SORBS2: variants seen among roughly 807,000 people sequenced by gnomAD.
SORBS2 encodes the protein sorbin and SH3 domain-containing protein 2.
SORBS2 carries 46 observed loss-of-function variants against 97.7 expected under a neutral mutation model. That is an observed-to-expected ratio of 0.47 (90% CI 0.37 to 0.60). The LOEUF is 0.60. SORBS2 is among the 20% of genes least tolerant of loss of function. The pLI, the probability that SORBS2 is intolerant of heterozygous loss-of-function variation, is 0.00. For synonymous variants in SORBS2, 476 were observed against 473.4 expected (o/e 1.01, Z -0.07); for missense variants, 1,316 against 1,282.3 (o/e 1.03, Z -0.40).
chr4:185,652,713 T>C, exon 2 of SORBS2: 2 of 1,614,136 alleles, frequency 1.2e-6, no homozygotes, highest in Non-Finnish European at 8.5e-7. Context: ...TACCAGTCCT[T>C]GGGCCGGTCG....
intron 4 of SORBS2, among the ~76,000 whole-genome samples, chr4:185,644,087 G>A (rs1318684795): frequency 1.3e-5 from 2 of 152,152 alleles, no homozygotes; most frequent in Non-Finnish European, 2.9e-5. Flanking sequence ...GTCCTACACT[G>A]GAAAGGCTGG....
At chr4:185,686,281 A>C (rs142159922) in intron 2 of SORBS2, among the ~76,000 whole-genome samples, 2,292 of 152,256 alleles carry the variant, frequency 0.015, 57 homozygotes, top group African/African-American at 0.051. Flanking sequence ...GTATAATTTG[A>C]AGGAATTTTT....
chr4:185,894,605 C>T (rs1021055584), intron 1 of SORBS2, among the ~76,000 whole-genome samples: 2 of 152,168 alleles, frequency 1.3e-5, no homozygotes, highest in African/African-American at 4.8e-5. Flanking sequence ...TGTCTTACCT[C>T]GCAAGGCACC....
chr4:185,881,056 G>A (rs2099236620), intron 1 of SORBS2, among the ~76,000 whole-genome samples: 1 of 152,292 alleles, frequency 6.6e-6, no homozygotes. Flanking sequence ...GGAAGTTGCT[G>A]AGCAAAAGCT....
At chr4:185,651,010 G>T (rs933644796) in intron 2 of SORBS2, among the ~76,000 whole-genome samples, 2 of 152,120 alleles carry the variant, frequency 1.3e-5, no homozygotes, top group Non-Finnish European at 2.9e-5. Flanking sequence ...GACCCCAAGT[G>T]AGGTTGCAGC....
chr4:185,606,796 C>T lies in SORBS2; in HGVS notation c.2796+4984G>A. On this transcript the variant is annotated intron_variant, in intron 12 of 14. Coordinates refer to ENST00000418609, the Ensembl canonical transcript of SORBS2. This position sits in a 1 kb window ranked among gnomAD's most constrained non-coding sequence, Gnocchi z 4.3. ...CCCTCTCTGGATGCCTGACACAATC[C>T]CCTCATAGATGCCCTCATCTTCCTC... The T allele has an allele frequency of 1.0e-6, 1 of 985,316 alleles. No individual in the cohort carries two copies. Among genetic ancestry groups the T allele is most frequent in the Non-Finnish European group, 1.2e-6 (1 of 829,910 alleles). The allele number at this position is 985,316 out of a possible 1,614,324, so 61.0% of individuals were successfully genotyped here.
rs955504682 is a variant in SORBS2 at position 185,741,752 on chromosome 4, TA to T, written c.-198+33474del. Among the ~76,000 whole-genome samples, 877 of 151,778 alleles carry T rather than the reference TA, an allele frequency of 5.8e-3. 2 individuals are homozygous for T. The highest frequency in any genetic ancestry group is 8.9e-3 in the Admixed American group (135 of 15,236). On this transcript the variant is annotated intron_variant, in intron 2 of 20. Coordinates refer to the SORBS2 transcript ENST00000284776. ...TACATAAAATAAATTAAAATACATT[TA>T]AAAAAAAATTACCTGCTTTACTTCT... is the stretch of plus-strand genomic sequence containing the variant.
intron 1 of SORBS2, among the ~76,000 whole-genome samples, chr4:185,808,606 T>C (rs1227866605): frequency 1.3e-5 from 2 of 152,214 alleles, no homozygotes. Flanking sequence ...CTTACCCAGG[T>C]ACTCAAGTTG....
At chr4:185,945,666 G>A (rs146749494) in intron 1 of SORBS2, among the ~76,000 whole-genome samples, 44 of 152,228 alleles carry the variant, frequency 2.9e-4, no homozygotes, top group East Asian at 2.3e-3. Flanking sequence ...AACATTTCTC[G>A]AGAATCAGGC....
chr4:185,763,688 C>T (rs1421944530), intron 2 of SORBS2, among the ~76,000 whole-genome samples: 1 of 152,184 alleles, frequency 6.6e-6, no homozygotes, highest in African/African-American at 2.4e-5. Context: ...GCCTTCCTTA[C>T]ACCTAGAAAC....
At chr4:185,764,093 A>G (rs13142255) in intron 2 of SORBS2, among the ~76,000 whole-genome samples, 68,608 of 152,028 alleles carry the variant, frequency 0.45, 15,877 homozygotes, top group South Asian at 0.5. Flanking sequence ...AAGTCTTTAT[A>G]TTAAAAACAG....
chr4:185,737,214 T>C (rs2098693127), intron 2 of SORBS2, among the ~76,000 whole-genome samples: 1 of 152,184 alleles, frequency 6.6e-6, no homozygotes, highest in African/African-American at 2.4e-5. Context: ...TTGCTTAGAA[T>C]TTCCTCTGCT....
intron 8 of SORBS2, 22 bp downstream of exon 20, chr4:185,620,041 C>T (rs748976073): frequency 2.8e-6 from 4 of 1,437,046 alleles, no homozygotes; most frequent in Non-Finnish European, 3.9e-6. Flanking sequence ...GTGAAAGACT[C>T]CAATGCTATT....
At chr4:185,743,463 C>T (rs1234537563) in intron 2 of SORBS2, among the ~76,000 whole-genome samples, 4 of 152,178 alleles carry the variant, frequency 2.6e-5, no homozygotes, top group Non-Finnish European at 4.4e-5. Flanking sequence ...GGCTGAGTTT[C>T]GTGATGGCTT....
chr4:185,594,161 G>C (rs750516927), intron 12 of SORBS2, among the ~76,000 whole-genome samples: 1 of 152,152 alleles, frequency 6.6e-6, no homozygotes, highest in Non-Finnish European at 1.5e-5. Flanking sequence ...TTTTGAACAT[G>C]TCTACAATCT....
At position 185,750,492 on chromosome 4, in the gene SORBS2, C is replaced by T. The variant is rs79229977; in HGVS notation, c.-198+24735G>A. Among the ~76,000 whole-genome samples, 1,156 of 152,294 alleles carry T rather than the reference C, an allele frequency of 7.6e-3. 16 individuals are homozygous for T. The highest frequency in any genetic ancestry group is 0.027 in the African/African-American group (1,107 of 41,560). On this transcript the variant is annotated intron_variant, in intron 2 of 20. Transcript: ENST00000284776. ...GAGTATAACAGCTAAGATTATTACA[C>T]ATGCTGTTCCAGTGTCCCACTCACA...
chr4:185,931,064 GTATAAT>G (rs1171742972), intron 1 of SORBS2, among the ~76,000 whole-genome samples: 1 of 152,004 alleles, frequency 6.6e-6, no homozygotes, highest in Non-Finnish European at 1.5e-5. Context: ...ACTTTTTATG[GTATAAT>G]TATAAGTATA....
intron 13 of SORBS2, chr4:185,592,791 T>A (rs531258074): frequency 6.6e-6 from 1 of 152,420 alleles, no homozygotes; most frequent in African/African-American, 2.4e-5. Context: ...AACTCCTGGG[T>A]TTTGGCCTTC....
At chr4:185,803,037 C>T (rs2099137815) in intron 1 of SORBS2, among the ~76,000 whole-genome samples, 1 of 152,134 alleles carries the variant, frequency 6.6e-6, no homozygotes, top group African/African-American at 2.4e-5. Context: ...AACTCAAAAG[C>T]TCTAGTGGTT....
Sources: allele counts gnomAD v4.1 joint callset (sites outside exome capture counted in the v4.1 genomes callset), GRCh38; gene constraint gnomAD v4.1.1; non-coding constraint Gnocchi (gnomAD v3.1); transcripts MANE v1.5; gene names NCBI Gene and HGNC (gene_info 2026-07-23, HGNC 2026-07-21).